PFKFB3: variants seen among roughly 807,000 people sequenced by gnomAD.
PFKFB3 encodes 6-phosphofructo-2-kinase/fructose-2,6-biphosphatase 3, also known as 6-phosphofructo-2-kinase/fructose-2,6-bisphosphatase 3.
A neutral mutation model predicts 68.0 loss-of-function variants in PFKFB3; 33 were observed. The observed-to-expected ratio is 0.49, with a 90% CI of 0.37 to 0.65. The LOEUF is 0.65. Ranked by LOEUF, PFKFB3 falls within the 30% of genes least tolerant of loss-of-function variation. The pLI is 0.00. For missense variants in PFKFB3, 586 were observed against 712.2 expected (o/e 0.82, Z 2.02); for synonymous variants, 315 against 288.2 (o/e 1.09, Z -0.94).
chr10:6,224,382 C>G (rs1845178270), intron 13 of PFKFB3, 169 bp downstream of exon 13: 1 of 648,554 alleles, frequency 1.5e-6, no homozygotes, highest in Non-Finnish European at 2.8e-6. Context: ...CCTGTCTGTT[C>G]TGTGGCTTCT....
chr10:6,200,685 GTGGTGGGGC>G (rs1843317778), upstream of PFKFB3, among the ~76,000 whole-genome samples: 2 of 73,222 alleles, frequency 2.7e-5, no homozygotes, highest in African/African-American at 4.9e-5. Flanking sequence ...GCGGGGGGTG[GTGGTGGGGC>G]GGGGATTGAG....
rs182921938 is a variant in PFKFB3, at chr10:6,154,772, T to C, written c.16+9759T>C. Among the ~76,000 whole-genome samples the C allele has an allele frequency of 5.8e-4, 89 of 152,152 alleles. 1 individual carries two copies. The highest frequency in any genetic ancestry group is 2.1e-3 in the African/African-American group (88 of 41,508). On this transcript the variant is annotated intron_variant, in intron 1 of 14. Transcript: ENST00000379789. The surrounding 1 kb of genome is among the most constrained non-coding windows in gnomAD (Gnocchi z 4.6). The stretch of plus-strand genomic sequence containing the variant: ...TTGCTGTGGGGTGAGAGAGAGTGAA[T>C]CATGGGTAGCTCCCCCAGCTGCCTT...
the PFKFB3 span, among the ~76,000 whole-genome samples, chr10:6,315,938 G>A: frequency 6.6e-6 from 1 of 152,160 alleles, no homozygotes. Flanking sequence ...GATCCTTTAA[G>A]AATGGAATCC....
Position 6,229,244 on chromosome 10 carries a change from C to G in PFKFB3, c.1515+2879C>G. The stretch of plus-strand genomic sequence containing the variant: ...AAGGGCCAGAGGATGTACCAGTGTC[C>G]TCCATGTCCACGTTCCTTAAGACCA... On this transcript the variant is annotated intron_variant, in intron 14 of 14. Coordinates refer to ENST00000379775, the MANE Select transcript of PFKFB3 (RefSeq NM_004566.4). The surrounding 1 kb of genome is among the most constrained non-coding windows in gnomAD (Gnocchi z 4.3). 4.2e-6 allele frequency: 2 copies of G among 476,774 alleles called. No individual in the cohort carries two copies. Among genetic ancestry groups the G allele is most frequent in the South Asian group, 3.1e-5 (2 of 65,122 alleles). 29.5% of individuals were successfully genotyped at this position (476,774 alleles called of 1,614,324 possible).
In PFKFB3 at chr10:6,219,653, G is replaced by A; in HGVS notation, c.583G>A (p.Glu195Lys). The change falls in exon 7 of 15, where the codon GAA becomes AAA. Residue 195 changes from glutamate (E) to lysine (K), a missense_variant. Physicochemically the swap from Glu to Lys is moderately conservative, Grantham distance 56. Transcript: ENST00000379775. Reference sequence around the variant, plus strand: ...CTTCATGAAGAGGATCAGTTGCTATGAAGCCAGCTACCAGCCCCTCGACCC... The same window carrying A: ...CTTCATGAAGAGGATCAGTTGCTATAAAGCCAGCTACCAGCCCCTCGACCC... ...DDFMKRISCY[E>K]ASYQPLDPDK... 1 of 1,613,936 alleles carries A rather than the reference G, an allele frequency of 6.2e-7. No homozygotes were observed. The highest frequency in any genetic ancestry group is 8.5e-7 in the Non-Finnish European group (1 of 1,179,866).
chr10:6,306,993 A>G, the PFKFB3 span, among the ~76,000 whole-genome samples: 1 of 152,216 alleles, frequency 6.6e-6, no homozygotes, highest in Admixed American at 6.5e-5. Flanking sequence ...TTCAATTAGT[A>G]GACTTTGAGT....
intron 1 of PFKFB3, among the ~76,000 whole-genome samples, chr10:6,189,054 T>C (rs1056240215): frequency 2.6e-5 from 4 of 152,160 alleles, no homozygotes; most frequent in African/African-American, 9.7e-5. Flanking sequence ...TTAGCCAGGA[T>C]GGTCTCGATC....
downstream of PFKFB3, among the ~76,000 whole-genome samples, chr10:6,256,287 C>A (rs184668280): frequency 1.3e-5 from 2 of 152,242 alleles, no homozygotes; most frequent in South Asian, 2.1e-4. Context: ...AGGGACTAAG[C>A]AGGATTTTGT....
At chr10:6,250,988 C>A (rs1846369248) in intron 14 of PFKFB3, among the ~76,000 whole-genome samples, 1 of 152,120 alleles carries the variant, frequency 6.6e-6, no homozygotes, top group Non-Finnish European at 1.5e-5. Context: ...TGAGCCTTAC[C>A]CCACAGAGAT....
chr10:6,146,400 G>A (rs1397199789), intron 1 of PFKFB3: 1 of 1,535,620 alleles, frequency 6.5e-7, no homozygotes, highest in Non-Finnish European at 8.7e-7. Context: ...TGGCCAGAAG[G>A]AAGGTGACAG....
chr10:6,260,413 C>CAAA, the PFKFB3 span, among the ~76,000 whole-genome samples: 1 of 86,920 alleles, frequency 1.2e-5, no homozygotes, highest in Non-Finnish European at 2.4e-5. Context: ...GACTCCGTCT[C>CAAA]AAAAAAAAAA....
the PFKFB3 span, among the ~76,000 whole-genome samples, chr10:6,283,887 C>T: frequency 3.9e-5 from 6 of 152,118 alleles, no homozygotes; most frequent in East Asian, 1.2e-3. Flanking sequence ...AGGATTCAGT[C>T]AGATCATGCC....
At chr10:6,245,575 C>T (rs528168515) in intron 14 of PFKFB3, among the ~76,000 whole-genome samples, 16 of 152,036 alleles carry the variant, frequency 1.1e-4, no homozygotes, top group Non-Finnish European at 1.6e-4. Context: ...CACCACCACA[C>T]CCAGCCAATT....
At chr10:6,294,875 C>T in the PFKFB3 span, among the ~76,000 whole-genome samples, 1 of 152,100 alleles carries the variant, frequency 6.6e-6, no homozygotes, top group Non-Finnish European at 1.5e-5. Flanking sequence ...GCATATTAAT[C>T]AGTTATTTTA....
the PFKFB3 span, among the ~76,000 whole-genome samples, chr10:6,285,021 A>C: frequency 1.3e-5 from 2 of 152,060 alleles, no homozygotes; most frequent in Non-Finnish European, 2.9e-5. Context: ...CCTTTTGGCT[A>C]TTGTGAATAA....
chr10:6,171,125 G>A (rs940104399), intron 1 of PFKFB3, among the ~76,000 whole-genome samples: 61 of 152,108 alleles, frequency 4.0e-4, no homozygotes, highest in African/African-American at 1.4e-3. Context: ...TTGGCTCACC[G>A]CAACCTCCGT....
At chr10:6,271,392 G>A in the PFKFB3 span, among the ~76,000 whole-genome samples, 1 of 152,262 alleles carries the variant, frequency 6.6e-6, no homozygotes, top group Non-Finnish European at 1.5e-5. Flanking sequence ...CCTCCTGGGG[G>A]TGTGGGAGCC....
intron 14 of PFKFB3, among the ~76,000 whole-genome samples, chr10:6,242,376 T>C (rs1291566425): frequency 6.6e-6 from 1 of 152,160 alleles, no homozygotes; most frequent in Non-Finnish European, 1.5e-5. Flanking sequence ...TTTAACACTT[T>C]ATATTCCTGC....
intron 1 of PFKFB3, among the ~76,000 whole-genome samples, chr10:6,180,299 A>T (rs1842674189): frequency 6.6e-6 from 1 of 152,360 alleles, no homozygotes; most frequent in South Asian, 2.1e-4. Context: ...AAGCAATCAG[A>T]TTGAGGGGGA....
Sources: allele counts gnomAD v4.1 joint callset (sites outside exome capture counted in the v4.1 genomes callset), GRCh38; gene constraint gnomAD v4.1.1; non-coding constraint Gnocchi (gnomAD v3.1); transcripts MANE v1.5; gene names NCBI Gene and HGNC (gene_info 2026-07-23, HGNC 2026-07-21).